Variants in CHD9 observed in about 807,000 individuals in gnomAD.
CHD9 encodes the protein chromodomain helicase DNA binding protein 9.
A neutral mutation model predicts 316.1 loss-of-function variants in CHD9; 77 were observed. That is an observed-to-expected ratio of 0.24 (90% CI 0.20 to 0.29). The LOEUF is 0.29. Among genes scored for constraint, CHD9 ranks in the 10% least tolerant of loss-of-function variants. The pLI, the probability that CHD9 is intolerant of heterozygous loss-of-function variation, is 1.00. For missense variants in CHD9, 2,763 were observed against 3,438.1 expected, an observed-to-expected ratio of 0.80 and a Z score of 4.91; for synonymous variants, 1,129 against 1,158.3, an observed-to-expected ratio of 0.97 and a Z score of 0.51.
intron 1 of CHD9, among the ~76,000 whole-genome samples, chr16:53,151,129 GT>G (rs2041068881): frequency 6.7e-6 from 1 of 149,906 alleles, no homozygotes; most frequent in Non-Finnish European, 1.5e-5. Context: ...TGTCTCATAG[GT>G]TTTTTTAGGC....
At chr16:53,089,731 C>G (rs1181265089) in intron 1 of CHD9, among the ~76,000 whole-genome samples, 1 of 152,190 alleles carries the variant, frequency 6.6e-6, no homozygotes, top group African/African-American at 2.4e-5. Flanking sequence ...GATCACCCAC[C>G]CAGGTTCATT....
Position 53,114,787 on chromosome 16 carries a change from C to T in CHD9, c.-164-41139C>T, listed in dbSNP as rs1001890276. On this transcript the variant is annotated intron_variant, in intron 1 of 38. Transcript: ENST00000447540. ...TATTTTTAGTAGAGACGGGGTTTCA[C>T]CGTGTTAGCCAGGATGGTCTCGATC... 1.7e-4 allele frequency among the ~76,000 whole-genome samples: 25 copies of T among 151,172 alleles called. No homozygotes were observed. The South Asian group carries it at 3.3e-3, about 20-fold the overall frequency.
intron 2 of CHD9, among the ~76,000 whole-genome samples, chr16:53,172,885 G>A (rs993452370): frequency 2.6e-5 from 4 of 151,866 alleles, no homozygotes; most frequent in African/African-American, 9.7e-5. Flanking sequence ...TTGTTATTGT[G>A]TTGTAATATT....
chr16:53,296,999 A>C lies in CHD9; in HGVS notation c.5554A>C (p.Thr1852Pro). The part of the protein sequence containing the change: ...EEADFYRVVS[T>P]FGVVFDPDRG... ...AGCTGACTTTTATAGGGTTGTATCT[A>C]CATTTGGAGTGGTTTTTGACCCTGA... The change falls in exon 30 of 39, where the codon ACA becomes CCA. Residue 1852 changes from threonine (T) to proline (P), a missense_variant. By Grantham distance (38) the Thr-to-Pro change is conservative (BLOSUM62 -1). This residue lies in a region of CHD9 where 183 missense variants were observed against 258.5 expected (regional missense o/e 0.71). Transcript: ENST00000447540. 6.2e-7 allele frequency: 1 copy of C among 1,613,870 alleles called. No homozygotes were observed. Among genetic ancestry groups the C allele is most frequent in the Non-Finnish European group, 8.5e-7 (1 of 1,179,792 alleles).
chr16:53,217,064 G>T (rs2046819606), intron 3 of CHD9, among the ~76,000 whole-genome samples: 1 of 151,788 alleles, frequency 6.6e-6, no homozygotes, highest in Non-Finnish European at 1.5e-5. Flanking sequence ...CCCTTTTTTT[G>T]TTGGCCAGGA....
intron 29 of CHD9, 121 bp downstream of exon 29, chr16:53,293,173 A>T: frequency 3.8e-6 from 3 of 798,062 alleles, no homozygotes; most frequent in Non-Finnish European, 6.0e-6. Context: ...GTCAAAGCAA[A>T]CTGCTTTGTG....
At chr16:53,266,228 G>T (rs1037259103) in intron 20 of CHD9, among the ~76,000 whole-genome samples, 1 of 151,924 alleles carries the variant, frequency 6.6e-6, no homozygotes, top group Non-Finnish European at 1.5e-5. Context: ...AATTCCAAAA[G>T]GAAAACTAGT....
chr16:53,193,469 C>A (rs2388013), intron 2 of CHD9, among the ~76,000 whole-genome samples: 42,118 of 151,564 alleles, frequency 0.28, 5,897 homozygotes, highest in Middle Eastern at 0.32. Context: ...AAAAAAAAAT[C>A]TTTTAACCAT....
intron 1 of CHD9, among the ~76,000 whole-genome samples, chr16:53,127,565 C>T (rs892133421): frequency 2.0e-5 from 3 of 152,030 alleles, no homozygotes; most frequent in Admixed American, 6.6e-5. Context: ...ATTGTTTCTG[C>T]CACTCAATGA....
chr16:53,154,569 G>A (rs1352588794), intron 1 of CHD9, among the ~76,000 whole-genome samples: 1 of 152,146 alleles, frequency 6.6e-6, no homozygotes, highest in Non-Finnish European at 1.5e-5. Context: ...GTGGTGGATG[G>A]AGGGAGATGA....
chr16:53,250,843 A>G (rs1252987787), intron 17 of CHD9, among the ~76,000 whole-genome samples: 1 of 152,098 alleles, frequency 6.6e-6, no homozygotes, highest in Non-Finnish European at 1.5e-5. Context: ...AAACTAGTCA[A>G]GTGTAGTCGT....
At chr16:53,154,537 G>A (rs1162465643) in intron 1 of CHD9, among the ~76,000 whole-genome samples, 1 of 152,174 alleles carries the variant, frequency 6.6e-6, no homozygotes, top group Non-Finnish European at 1.5e-5. Context: ...CCGGTTTCGT[G>A]GATGGGGTAG....
At position 53,245,197 on chromosome 16, in the gene CHD9, C is replaced by T. The variant is rs148616690; in HGVS notation, c.3055-139C>T. ...ACAAACAAACAAATATATATATATACACACACACACACATAACATATATAT... is the reference window on the plus strand; with the variant it reads ...ACAAACAAACAAATATATATATATATACACACACACACATAACATATATAT... On this transcript the variant is annotated intron_variant, in intron 13 of 38. Transcript: ENST00000447540. The surrounding 1 kb of genome is among the most constrained non-coding windows in gnomAD (Gnocchi z 4.1). The T allele has an allele frequency of 7.3e-3, 3,224 of 440,642 alleles. 16 individuals carry two copies. Among genetic ancestry groups the T allele is most frequent in the Non-Finnish European group, 9.7e-3 (2,653 of 274,004 alleles). The allele number at this position is 440,642 out of a possible 1,614,324, so 27.3% of individuals were successfully genotyped here.
chr16:53,137,316 G>C (rs1022854807), intron 1 of CHD9, among the ~76,000 whole-genome samples: 1 of 152,026 alleles, frequency 6.6e-6, no homozygotes, highest in Non-Finnish European at 1.5e-5. Context: ...CATTCTCATT[G>C]CTGTTGATTC....
intron 36 of CHD9, among the ~76,000 whole-genome samples, chr16:53,317,549 G>GT (rs2056976894): frequency 6.6e-6 from 1 of 152,084 alleles, no homozygotes; most frequent in African/African-American, 2.4e-5. Context: ...CTGGAGTGCA[G>GT]TGGCACGATC....
intron 12 of CHD9, 45 bp from the exon 13 acceptor site, chr16:53,242,795 G>A (rs375333825): frequency 3.9e-6 from 6 of 1,519,074 alleles, no homozygotes; most frequent in East Asian, 2.3e-5. Flanking sequence ...TAAAAAATAT[G>A]CAATTAAAAT....
At chr16:53,113,403 C>G (rs1315230688) in intron 1 of CHD9, among the ~76,000 whole-genome samples, 1 of 138,886 alleles carries the variant, frequency 7.2e-6, no homozygotes, top group East Asian at 2.1e-4. Flanking sequence ...GTCTCGCTCT[C>G]CTGGGCTCAA....
intron 2 of CHD9, among the ~76,000 whole-genome samples, chr16:53,192,576 A>G (rs1002152512): frequency 6.6e-6 from 1 of 152,156 alleles, no homozygotes; most frequent in Non-Finnish European, 1.5e-5. Flanking sequence ...CAGTTCTATA[A>G]CCTTACCATA....
At chr16:53,265,104 A>C (rs1423430769) in intron 20 of CHD9, among the ~76,000 whole-genome samples, 1 of 152,204 alleles carries the variant, frequency 6.6e-6, no homozygotes, top group East Asian at 1.9e-4. Context: ...AAAGTGTCTA[A>C]ATATATTAAT....
Sources: gnomAD v4.1 joint callset for allele counts (sites outside exome capture counted in the v4.1 genomes callset) on GRCh38, gnomAD v4.1.1 for gene constraint, gnomAD v4.1.1 regional missense constraint, Gnocchi (gnomAD v3.1) non-coding constraint, MANE v1.5 for transcripts, NCBI Gene and HGNC (gene_info 2026-07-23, HGNC 2026-07-21) for gene names.